Variants in ANKRD28 observed in about 807,000 individuals in gnomAD.
ANKRD28 encodes ankyrin repeat domain 28.
In ANKRD28, 44 loss-of-function variants were observed where a neutral mutation model predicts 126.5. The ratio of observed to expected loss-of-function variants is 0.35; its 90% CI spans 0.27 to 0.45. ANKRD28 has a LOEUF of 0.45. ANKRD28 is among the 20% of genes least tolerant of loss of function. The probability of loss-of-function intolerance (pLI) is 1.00; values close to 1 mark genes in which losing one functional copy is unlikely to be tolerated. For synonymous variants in ANKRD28, 442 were observed against 468.5 expected, an observed-to-expected ratio of 0.94 and a Z score of 0.73; for missense variants, 1,110 against 1,316.6, an observed-to-expected ratio of 0.84 and a Z score of 2.43.
chr3:15,787,948 A>G (rs2059854914), intron 2 of ANKRD28, among the ~76,000 whole-genome samples: 1 of 152,212 alleles, frequency 6.6e-6, no homozygotes, highest in African/African-American at 2.4e-5. Context: ...AGAAGCCAAT[A>G]AGCAGAATAT....
intron 4 of ANKRD28, among the ~76,000 whole-genome samples, chr3:15,740,242 G>A (rs747532369): frequency 6.6e-6 from 1 of 152,168 alleles, no homozygotes; most frequent in Non-Finnish European, 1.5e-5. Flanking sequence ...GACTGAAAAC[G>A]GACATGAGGG....
rs146324144 is a variant in ANKRD28, at chr3:15,694,838, T to A, written c.1687-25A>T. ...ACTGAAAAAGAAGAGGCATTTTAAA[T>A]GTCAGAAAGACATACTACAGCAATT... is the stretch of plus-strand genomic sequence containing the variant. On this transcript the variant is annotated intron_variant, in intron 16 of 27. Coordinates refer to ENST00000683139, the MANE Select transcript of ANKRD28 (RefSeq NM_001349278.2). 8.6e-4 allele frequency: 1,385 copies of A among 1,604,394 alleles called. 11 individuals are homozygous for A. The East Asian group carries it at 0.013, about 15-fold the overall frequency.
Position 15,797,560 on chromosome 3 carries a change from A to G in ANKRD28, c.-1039T>C. 1.1e-6 allele frequency: 1 copy of G among 940,358 alleles called. No individual in the cohort carries two copies. The highest frequency in any genetic ancestry group is 1.3e-6 in the Non-Finnish European group (1 of 790,740). The allele number at this position is 940,358 out of a possible 1,614,324, so 58.3% of individuals were successfully genotyped here. ...TGCTTCAGGCTTTTTGTTTTCTTTA[A>G]AAAAAAAAAGGGGGGGGAAAAACAT... On this transcript the variant is annotated 5_prime_UTR_variant, in exon 1 of 28. Transcript: ENST00000683139.
intron 1 of ANKRD28, among the ~76,000 whole-genome samples, chr3:15,840,666 A>G (rs1324999231): frequency 6.6e-6 from 1 of 152,214 alleles, no homozygotes; most frequent in Non-Finnish European, 1.5e-5. Flanking sequence ...CCTAACCAAA[A>G]CAGCATGGTA....
In ANKRD28 at chr3:15,709,820, T is replaced by A. The variant is rs17041467; in HGVS notation, c.1338-84A>T. 3.6e-3 allele frequency: 2,808 copies of A among 785,258 alleles called. 61 individuals carry two copies. The African/African-American group carries it at 0.043, about 12-fold the overall frequency. 48.6% of individuals were successfully genotyped at this position (785,258 alleles called of 1,614,324 possible). A position where few individuals can be genotyped will look rare whatever the true frequency, so the allele number is the denominator to read the frequency against. On this transcript the variant is annotated intron_variant, in intron 12 of 27. Coordinates refer to ENST00000683139, the MANE Select transcript of ANKRD28 (RefSeq NM_001349278.2). ...GTAGGTTTAAAGAAGCATGAAAGCA[T>A]GTTTTTATATGAAGATAAATGTGAC...
At position 15,685,366 on chromosome 3, in the gene ANKRD28, C is replaced by A. The variant is rs774955161; in HGVS notation, c.2249G>T (p.Arg750Leu). The A allele has an allele frequency of 1.2e-6, 2 of 1,613,982 alleles. No homozygotes were observed. Among genetic ancestry groups the A allele is most frequent in the Non-Finnish European group, 1.7e-6 (2 of 1,179,868 alleles). The change falls in exon 21 of 28, where the codon CGG becomes CTG. Residue 750 changes from arginine (R) to leucine (L), a missense_variant. Coordinates refer to ENST00000683139, the MANE Select transcript of ANKRD28 (RefSeq NM_001349278.2). ...GGCAGCAGACAGGTGTATAGGCGTCCGGCCCCTGCTATCCCGAAGTAAGCA... is the reference window on the plus strand; with the variant it reads ...GGCAGCAGACAGGTGTATAGGCGTCAGGCCCCTGCTATCCCGAAGTAAGCA... ...AKCLLRDSRG[R>L]TPIHLSAACG...
rs571820840 is a variant in ANKRD28 at position 15,768,361 on chromosome 3, A to T, written c.202-2049T>A. ...TCTACAGGCAATCCAAAAAAGGCTT[A>T]GCTGTAGTATGTGATGTTATTATAC... On this transcript the variant is annotated intron_variant, in intron 2 of 27. Transcript: ENST00000683139. 2.4e-4 allele frequency among the ~76,000 whole-genome samples: 36 copies of T among 152,330 alleles called. 2 individuals are homozygous for T. The highest frequency in any genetic ancestry group is 6.2e-4 in the South Asian group (3 of 4,824).
At position 15,724,493 on chromosome 3, in the gene ANKRD28, C is replaced by G; in HGVS notation, c.672G>C (p.Ser224=). 2 of 1,588,416 alleles carry G rather than the reference C, an allele frequency of 1.3e-6. No individual in the cohort carries two copies. The highest frequency in any genetic ancestry group is 1.1e-5 in the South Asian group (1 of 87,192). The change falls in exon 7 of 28, where the codon TCG becomes TCC. Residue 224 remains serine, a synonymous_variant. Transcript: ENST00000683139. The part of the protein sequence containing the change: ...GHIEVVKLLV[S]HGAEVTCKDK... ...CCTTGCATGTCACTTCAGCTCCATGCGACACAAGCAATTTCACTACTTCAA... is the reference window on the plus strand; with the variant it reads ...CCTTGCATGTCACTTCAGCTCCATGGGACACAAGCAATTTCACTACTTCAA...
chr3:15,830,981 A>T lies in ANKRD28; in HGVS notation c.27+28396T>A, dbSNP rs2061175852. 6.6e-6 allele frequency among the ~76,000 whole-genome samples: 1 copy of T among 152,096 alleles called. No homozygotes were observed. Among genetic ancestry groups the T allele is most frequent in the Non-Finnish European group, 1.5e-5 (1 of 68,018 alleles). ...CAATACTCCTTGCGTGTCACCATAT[A>T]TTGTTGCTGGGAAAAGTAAGCACTG... On this transcript the variant is annotated intron_variant, in intron 1 of 27. Coordinates refer to the ANKRD28 transcript ENST00000399451. The surrounding 1 kb of genome is among the most constrained non-coding windows in gnomAD (Gnocchi z 4.5).
chr3:15,759,724 A>G (rs558609740), intron 3 of ANKRD28, among the ~76,000 whole-genome samples: 2 of 152,240 alleles, frequency 1.3e-5, no homozygotes, highest in Non-Finnish European at 2.9e-5. Context: ...ATTTCTATCA[A>G]TAACAGTGAA....
intron 2 of ANKRD28, among the ~76,000 whole-genome samples, chr3:15,780,129 G>T (rs1436737564): frequency 6.6e-6 from 1 of 151,962 alleles, no homozygotes; most frequent in Non-Finnish European, 1.5e-5. Context: ...AGAAAGAAAT[G>T]AAATTTTATT....
At chr3:15,775,930 G>C (rs997344671) in intron 2 of ANKRD28, among the ~76,000 whole-genome samples, 7 of 152,094 alleles carry the variant, frequency 4.6e-5, no homozygotes, top group African/African-American at 1.7e-4. Flanking sequence ...CTGGGGGGTG[G>C]GGGGCTTGAA....
chr3:15,677,351 C>T (rs1398786605), intron 25 of ANKRD28, 129 bp downstream of exon 25: 5 of 680,560 alleles, frequency 7.3e-6, no homozygotes, highest in African/African-American at 7.2e-5. Context: ...CAATTTTGTT[C>T]AAGAAATCTA....
chr3:15,823,705 A>T (rs1341628249), intron 1 of ANKRD28, among the ~76,000 whole-genome samples: 3 of 152,244 alleles, frequency 2.0e-5, no homozygotes, highest in Non-Finnish European at 2.9e-5. Flanking sequence ...CAGCATATTG[A>T]AAGAATTGTA....
chr3:15,709,751 TAC>T lies in ANKRD28; in HGVS notation c.1338-17_1338-16del. On this transcript the variant is annotated splice_polypyrimidine_tract_variant and intron_variant, in intron 12 of 27. Coordinates refer to ENST00000683139, the MANE Select transcript of ANKRD28 (RefSeq NM_001349278.2). ...ACTCCAAATTCCTATTGAGAGAAAATACAGTTAGAAAACTTAATTGACAGTGA... is the reference window on the plus strand; with the variant it reads ...ACTCCAAATTCCTATTGAGAGAAAATAGTTAGAAAACTTAATTGACAGTGA... The T allele has an allele frequency of 2.0e-6, 3 of 1,529,610 alleles. No individual in the cohort carries two copies. The highest frequency in any genetic ancestry group is 1.4e-5 in the African/African-American group (1 of 72,294). 94.8% of individuals were successfully genotyped at this position (1,529,610 alleles called of 1,614,324 possible).
intron 2 of ANKRD28, among the ~76,000 whole-genome samples, chr3:15,770,457 T>A (rs951337962): frequency 6.6e-6 from 1 of 151,624 alleles, no homozygotes; most frequent in Non-Finnish European, 1.5e-5. Flanking sequence ...TACAGAAATC[T>A]AACTTAAACC....
At chr3:15,760,329 T>C (rs1352457396) in intron 3 of ANKRD28, among the ~76,000 whole-genome samples, 1 of 152,208 alleles carries the variant, frequency 6.6e-6, no homozygotes, top group Non-Finnish European at 1.5e-5. Context: ...CATGTACTCC[T>C]GAACTTAAAA....
intron 1 of ANKRD28, among the ~76,000 whole-genome samples, chr3:15,841,634 G>C (rs2061426199): frequency 6.6e-6 from 1 of 152,020 alleles, no homozygotes; most frequent in East Asian, 1.9e-4. Context: ...ATCTGAATAG[G>C]CATTTCTCAA....
chr3:15,796,488 C>T lies in ANKRD28; in HGVS notation c.34G>A (p.Val12Ile), dbSNP rs578151994. 9.5e-5 allele frequency: 122 copies of T among 1,288,894 alleles called. No homozygotes were observed. The highest frequency in any genetic ancestry group is 1.2e-4 in the Non-Finnish European group (115 of 988,340). 79.8% of individuals were successfully genotyped at this position (1,288,894 alleles called of 1,614,324 possible). The change falls in exon 1 of 28, where the codon GTA (valine) becomes ATA (isoleucine). Residue 12 changes from valine to isoleucine, a missense_variant. Val to Ile is a conservative substitution (Grantham distance 29). Transcript: ENST00000683139. ...ATGAATGCAGGAGATTCATCTTCTA[C>T]CTCCTCCAAAACAACAATACACACT... The part of the protein sequence containing the change: ...SRVCIVVLEE[V>I]EDESPAFISK...
Sources: allele counts gnomAD v4.1 joint callset (sites outside exome capture counted in the v4.1 genomes callset), GRCh38; gene constraint gnomAD v4.1.1; non-coding constraint Gnocchi (gnomAD v3.1); transcripts MANE v1.5; gene names NCBI Gene and HGNC (gene_info 2026-07-23, HGNC 2026-07-21).